MMP24: variants seen among roughly 807,000 people sequenced by gnomAD.
The protein encoded by MMP24 is matrix metallopeptidase 24.
In MMP24, 25 loss-of-function variants were observed where a neutral mutation model predicts 62.8. The observed-to-expected ratio is 0.40, with a 90% CI of 0.29 to 0.56. MMP24 has a LOEUF of 0.56. MMP24 is among the 20% of genes least tolerant of loss of function. The pLI, the probability that MMP24 is intolerant of heterozygous loss-of-function variation, is 0.50. For synonymous variants in MMP24, 319 were observed against 350.5 expected, an observed-to-expected ratio of 0.91 and a Z score of 1.00; for missense variants, 634 against 853.6, an observed-to-expected ratio of 0.74 and a Z score of 3.21.
chr20:35,242,932 C>T (rs989631600), intron 1 of MMP24, among the ~76,000 whole-genome samples: 5 of 152,130 alleles, frequency 3.3e-5, no homozygotes, highest in Non-Finnish European at 5.9e-5. Flanking sequence ...AATCCCAGCA[C>T]TTTGGGAGGC....
At chr20:35,253,265 C>A (rs1420156425) in intron 3 of MMP24, among the ~76,000 whole-genome samples, 1 of 84,864 alleles carries the variant, frequency 1.2e-5, no homozygotes. Flanking sequence ...CCCTACAGAA[C>A]GGGACTTTTT....
intron 4 of MMP24, among the ~76,000 whole-genome samples, chr20:35,255,613 ATATT>A (rs1387002317): frequency 6.6e-6 from 1 of 152,198 alleles, no homozygotes; most frequent in Non-Finnish European, 1.5e-5. Flanking sequence ...TTCATCATCA[ATATT>A]TACTCACAAG....
rs757689972 is a variant in MMP24, at chr20:35,271,568, G to C, written c.1334-1G>C. On this transcript the variant is annotated splice_acceptor_variant, in intron 7 of 8. Coordinates refer to ENST00000246186, the MANE Select transcript of MMP24 (RefSeq NM_006690.4). LOFTEE classifies it high-confidence loss of function. This position sits in a 1 kb window ranked among gnomAD's most constrained non-coding sequence, Gnocchi z 4.0. ...TGATCCTGGGCTCCTCTTGGCCACA[G>C]GTGACAAGTATTGGGTGTTTAAGGA... The C allele has an allele frequency of 1.2e-6, 2 of 1,611,816 alleles. No individual in the cohort carries two copies. The highest frequency in any genetic ancestry group is 1.7e-6 in the Non-Finnish European group (2 of 1,178,704).
chr20:35,252,162 A>C, intron 3 of MMP24, 141 bp downstream of exon 3: 1 of 679,382 alleles, frequency 1.5e-6, no homozygotes, highest in Non-Finnish European at 2.6e-6. Context: ...GCATGTGGGC[A>C]TTGGCACTAG....
chr20:35,252,124 C>A, intron 3 of MMP24, 103 bp downstream of exon 3: 1 of 959,052 alleles, frequency 1.0e-6, no homozygotes, highest in Non-Finnish European at 1.6e-6. Flanking sequence ...GCCTGGGGAT[C>A]AGGCTTACAA....
Position 35,254,749 on chromosome 20 carries a change from A to G in MMP24, c.812A>G (p.His271Arg). Residue 271 changes from histidine (H) to arginine (R), a missense_variant, in exon 4 of 9, where the codon CAT (histidine) becomes CGT (arginine). By Grantham distance (29) the His-to-Arg change is conservative. This residue lies in a region of MMP24 where 399 missense variants were observed against 530.8 expected (regional missense o/e 0.75). Transcript: ENST00000246186. ...CCATGGACGCTAGGAAATGCCAACC[A>G]TGACGGTAAGGCCATGAGGGGACAG... ...DEPWTLGNAN[H>R]DGNDLFLVAV... The G allele has an allele frequency of 3.7e-6, 6 of 1,611,124 alleles. No homozygotes were observed. Among genetic ancestry groups the G allele is most frequent in the Non-Finnish European group, 5.1e-6 (6 of 1,178,136 alleles).
chr20:35,255,814 G>A (rs1464206893), intron 4 of MMP24, among the ~76,000 whole-genome samples: 1 of 152,172 alleles, frequency 6.6e-6, no homozygotes, highest in African/African-American at 2.4e-5. Flanking sequence ...ATCGCTAAGG[G>A]CCCTTCCAAC....
rs534717086 is a variant in MMP24, at chr20:35,269,502, T to A, written c.1195-258T>A. 5.3e-5 allele frequency among the ~76,000 whole-genome samples: 8 copies of A among 152,316 alleles called. No individual in the cohort carries two copies. The highest frequency in any genetic ancestry group is 5.2e-4 in the Admixed American group (8 of 15,300). On this transcript the variant is annotated intron_variant, in intron 6 of 8. Transcript: ENST00000246186. This position sits in a 1 kb window ranked among gnomAD's most constrained non-coding sequence, Gnocchi z 4.6. ...CCCAACATCATCCTTTCCGGCTCCC[T>A]CACACCTCCTTTTCCACACCAGGCC...
intron 3 of MMP24, among the ~76,000 whole-genome samples, 168 bp from the exon 4 acceptor site, chr20:35,254,282 G>A (rs1315545436): frequency 6.6e-6 from 1 of 152,194 alleles, no homozygotes; most frequent in African/African-American, 2.4e-5. Flanking sequence ...GGCAGGGTGG[G>A]GATCCAGAGC....
At chr20:35,254,781 G>C in intron 4 of MMP24, 27 bp downstream of exon 4, 1 of 1,574,494 alleles carries the variant, frequency 6.4e-7, no homozygotes, top group Non-Finnish European at 8.6e-7. Context: ...ACAGGGGTCA[G>C]TCTTGGGCTG....
At chr20:35,253,269 A>ATTTTTTTTTTT (rs2060557038) in intron 3 of MMP24, among the ~76,000 whole-genome samples, 9 of 62,476 alleles carry the variant, frequency 1.4e-4, no homozygotes, top group African/African-American at 1.0e-3. Context: ...ACAGAACGGG[A>ATTTTTTTTTTT]CTTTTTTTTT....
intron 1 of MMP24, among the ~76,000 whole-genome samples, chr20:35,241,214 G>T (rs959338867): frequency 6.6e-6 from 1 of 152,122 alleles, no homozygotes; most frequent in Admixed American, 6.5e-5. Flanking sequence ...GGATTGTCTG[G>T]GTCACAGAGA....
chr20:35,231,614 G>T (rs777662797), intron 1 of MMP24, among the ~76,000 whole-genome samples: 3 of 152,144 alleles, frequency 2.0e-5, no homozygotes, highest in Non-Finnish European at 4.4e-5. Context: ...CATATGCCAT[G>T]TATGTGGCCC....
intron 1 of MMP24, among the ~76,000 whole-genome samples, chr20:35,231,215 G>A (rs1294095261): frequency 6.6e-6 from 1 of 152,204 alleles, no homozygotes; most frequent in Non-Finnish European, 1.5e-5. Flanking sequence ...ACATGAATAA[G>A]TAACAGAGTG....
chr20:35,239,248 A>G (rs2060477379), intron 1 of MMP24, among the ~76,000 whole-genome samples: 1 of 151,898 alleles, frequency 6.6e-6, no homozygotes, highest in Admixed American at 6.6e-5. Context: ...CGTGTTGGCC[A>G]GGATGGTCTC....
Position 35,269,681 on chromosome 20 carries a change from C to T in MMP24, c.1195-79C>T. 1 of 1,503,786 alleles carries T rather than the reference C, an allele frequency of 6.6e-7. No individual in the cohort carries two copies. The highest frequency in any genetic ancestry group is 9.0e-7 in the Non-Finnish European group (1 of 1,117,170). The allele number at this position is 1,503,786 out of a possible 1,614,324, so 93.2% of individuals were successfully genotyped here. On this transcript the variant is annotated intron_variant, in intron 6 of 8. Transcript: ENST00000246186. The surrounding 1 kb of genome is among the most constrained non-coding windows in gnomAD (Gnocchi z 4.6). ...CGGTGGAGGGCTGGGCTGTTGGGACCTAAGCCCCACAGCTGCAATCACTGG... is the reference window on the plus strand; with the variant it reads ...CGGTGGAGGGCTGGGCTGTTGGGACTTAAGCCCCACAGCTGCAATCACTGG...
intron 5 of MMP24, among the ~76,000 whole-genome samples, chr20:35,266,023 A>G (rs769350946): frequency 1.3e-5 from 2 of 151,618 alleles, no homozygotes; most frequent in Non-Finnish European, 2.9e-5. Flanking sequence ...CCCAGCCCTC[A>G]GCTCTAGAGA....
chr20:35,264,900 C>G (rs998213506), intron 5 of MMP24, among the ~76,000 whole-genome samples: 2 of 152,172 alleles, frequency 1.3e-5, no homozygotes, highest in Admixed American at 6.5e-5. Flanking sequence ...AAATGCTTGT[C>G]AAGACAGCAC....
At chr20:35,260,347 A>G (rs1199385661) in intron 4 of MMP24, among the ~76,000 whole-genome samples, 1 of 152,122 alleles carries the variant, frequency 6.6e-6, no homozygotes, top group Non-Finnish European at 1.5e-5. Flanking sequence ...TTCTCTGCAG[A>G]CCCAGAACAG....
Sources: allele counts gnomAD v4.1 joint callset (sites outside exome capture counted in the v4.1 genomes callset), GRCh38; gene constraint gnomAD v4.1.1; regional missense constraint gnomAD v4.1.1; non-coding constraint Gnocchi (gnomAD v3.1); transcripts MANE v1.5; gene names NCBI Gene and HGNC (gene_info 2026-07-23, HGNC 2026-07-21).